The following TRHDE variants were observed in gnomAD, a reference collection of about 807,000 sequenced individuals.
TRHDE encodes thyrotropin-releasing hormone-degrading ectoenzyme.
Under a neutral mutation model 125.7 loss-of-function variants are expected in TRHDE, and 72 were observed. The observed-to-expected ratio is 0.57, with a 90% CI of 0.47 to 0.70. The LOEUF is 0.70. Ranked by LOEUF, TRHDE falls within the 30% of genes least tolerant of loss-of-function variation. The pLI, the probability that TRHDE is intolerant of heterozygous loss-of-function variation, is 0.00. For synonymous variants in TRHDE, 509 were observed against 509.1 expected (o/e 1.00, Z 0.00); for missense variants, 1,110 against 1,327.1 (o/e 0.84, Z 2.54).
chr12:72,478,319 C>G (rs1876991912), intron 5 of TRHDE, among the ~76,000 whole-genome samples: 1 of 152,068 alleles, frequency 6.6e-6, no homozygotes, highest in South Asian at 2.1e-4. Flanking sequence ...GAAAGCATGC[C>G]TGTTTGGGTC....
At position 72,210,494 on chromosome 12, in the gene TRHDE, C is replaced by T. The variant is rs143234882; in HGVS notation, n.279+104742C>T. Among the ~76,000 whole-genome samples, 967 of 151,942 alleles carry T rather than the reference C, an allele frequency of 6.4e-3. 45 individuals carry two copies. The highest frequency in any genetic ancestry group is 0.055 in the Admixed American group (837 of 15,262). The stretch of plus-strand genomic sequence containing the variant: ...TCAGGATAACAGCAATAATGTTGTC[C>T]AAATAATGTTCAATATTTGTGTTAA... On this transcript the variant is annotated intron_variant and non_coding_transcript_variant, in intron 2 of 4. Coordinates refer to the TRHDE transcript ENST00000548156.
At chr12:72,441,116 T>A (rs2135855685) in intron 3 of TRHDE, among the ~76,000 whole-genome samples, 1 of 151,864 alleles carries the variant, frequency 6.6e-6, no homozygotes, top group South Asian at 2.1e-4. Context: ...TACAAGATGA[T>A]AAGGGCTTAA....
Position 72,443,018 on chromosome 12 carries a change from G to T in TRHDE, c.1316-26740G>T, listed in dbSNP as rs1565743235. Among the ~76,000 whole-genome samples the T allele has an allele frequency of 2.6e-5, 4 of 151,628 alleles. No homozygotes were observed. In the East Asian group the frequency reaches 7.7e-4, roughly 29 times the overall value. ...TGCTATTCTCTTGCACTCTTCATTG[G>T]TTTCCCCTTGCTCCTAGAATAAAAT... is the stretch of plus-strand genomic sequence containing the variant. On this transcript the variant is annotated intron_variant, in intron 3 of 18. Coordinates refer to ENST00000261180, the MANE Select transcript of TRHDE (RefSeq NM_013381.3).
chr12:72,629,658 C>T (rs1357182767), intron 15 of TRHDE, among the ~76,000 whole-genome samples: 1 of 151,550 alleles, frequency 6.6e-6, no homozygotes, highest in Non-Finnish European at 1.5e-5. Context: ...AAAAAATTTG[C>T]AGATTCCAAA....
At chr12:72,265,616 T>C (rs1879049271) in intron 2 of TRHDE, among the ~76,000 whole-genome samples, 1 of 151,848 alleles carries the variant, frequency 6.6e-6, no homozygotes, top group East Asian at 1.9e-4. Flanking sequence ...ACAGATCTAG[T>C]ACCTGAAGAA....
intron 3 of TRHDE, among the ~76,000 whole-genome samples, chr12:72,386,958 C>T (rs187628987): frequency 6.6e-6 from 1 of 152,252 alleles, no homozygotes; most frequent in East Asian, 1.9e-4. Context: ...CTGCTTAAAC[C>T]ATGAATGCCC....
At chr12:72,531,041 T>A (rs1461580320) in intron 6 of TRHDE, among the ~76,000 whole-genome samples, 1 of 152,054 alleles carries the variant, frequency 6.6e-6, no homozygotes, top group East Asian at 1.9e-4. Flanking sequence ...AGCATAACAT[T>A]TTCTTCCCCA....
At chr12:72,444,657 T>C (rs1444177552) in intron 3 of TRHDE, among the ~76,000 whole-genome samples, 1 of 151,828 alleles carries the variant, frequency 6.6e-6, no homozygotes, top group South Asian at 2.1e-4. Context: ...AAGTGAGAGA[T>C]AGTATTTAAT....
At chr12:72,231,001 CAAAA>C (rs2139374131) in intron 2 of TRHDE, among the ~76,000 whole-genome samples, 1 of 152,096 alleles carries the variant, frequency 6.6e-6, no homozygotes, top group Admixed American at 6.6e-5. Flanking sequence ...AAAGAAGTAA[CAAAA>C]ATGATGTTGT....
intron 2 of TRHDE, among the ~76,000 whole-genome samples, chr12:72,221,826 T>C (rs1346103953): frequency 6.6e-6 from 1 of 152,158 alleles, no homozygotes; most frequent in Non-Finnish European, 1.5e-5. Context: ...TTTTATTATC[T>C]CTCACAGATT....
chr12:72,181,892 T>C (rs930091029), intron 2 of TRHDE, among the ~76,000 whole-genome samples: 2 of 152,334 alleles, frequency 1.3e-5, no homozygotes, highest in Non-Finnish European at 1.5e-5. Context: ...CTCCCACTTA[T>C]TATGTTGTTT....
chr12:72,268,376 T>A (rs2139399637), upstream of TRHDE, among the ~76,000 whole-genome samples: 1 of 152,268 alleles, frequency 6.6e-6, no homozygotes, highest in African/African-American at 2.4e-5. Flanking sequence ...ATTAAATATT[T>A]CTTGAGAACA....
At chr12:72,400,083 G>T (rs959201673) in intron 3 of TRHDE, among the ~76,000 whole-genome samples, 1 of 151,994 alleles carries the variant, frequency 6.6e-6, no homozygotes, top group African/African-American at 2.4e-5. Flanking sequence ...ATTGACAACT[G>T]GGTGTCAAGC....
At chr12:72,495,622 T>C (rs1296099669) in intron 5 of TRHDE, among the ~76,000 whole-genome samples, 1 of 152,178 alleles carries the variant, frequency 6.6e-6, no homozygotes, top group Non-Finnish European at 1.5e-5. Context: ...TTTGTACTTT[T>C]TGTTCTACTG....
intron 3 of TRHDE, among the ~76,000 whole-genome samples, chr12:72,439,520 ATCCATT>A (rs1874899888): frequency 6.8e-6 from 1 of 148,142 alleles, no homozygotes; most frequent in African/African-American, 2.5e-5. Flanking sequence ...CCTTGGTTAA[ATCCATT>A]TCTAGGTACT....
intron 6 of TRHDE, among the ~76,000 whole-genome samples, chr12:72,526,627 A>C (rs1336224990): frequency 6.6e-6 from 1 of 152,128 alleles, no homozygotes; most frequent in Non-Finnish European, 1.5e-5. Context: ...AGGATTACAC[A>C]AAAGTGCCTG....
chr12:72,220,632 C>T (rs1877981988), intron 2 of TRHDE, among the ~76,000 whole-genome samples: 1 of 152,102 alleles, frequency 6.6e-6, no homozygotes, highest in Non-Finnish European at 1.5e-5. Flanking sequence ...TTCAAACTCT[C>T]ACTCAAAGGT....
rs187553239 is a variant in TRHDE at position 72,350,657 on chromosome 12, C to T, written c.1189-27338C>T. Among the ~76,000 whole-genome samples the T allele has an allele frequency of 3.9e-5, 6 of 151,998 alleles. No individual in the cohort carries two copies. In the East Asian group the frequency reaches 1.2e-3, roughly 30 times the overall value. ...TTTTGATCTTCTAGGTACTGAACTCCCTTCCTGAATTGCTTATGGAAAATG... is the reference window on the plus strand; with the variant it reads ...TTTTGATCTTCTAGGTACTGAACTCTCTTCCTGAATTGCTTATGGAAAATG... On this transcript the variant is annotated intron_variant, in intron 2 of 18. Transcript: ENST00000261180.
chr12:72,338,958 A>T (rs1477506291), intron 2 of TRHDE, among the ~76,000 whole-genome samples: 1 of 152,226 alleles, frequency 6.6e-6, no homozygotes, highest in African/African-American at 2.4e-5. Flanking sequence ...GATCATATTA[A>T]AGTAAACCAA....
Sources: allele counts gnomAD v4.1 joint callset (sites outside exome capture counted in the v4.1 genomes callset), GRCh38; gene constraint gnomAD v4.1.1; transcripts MANE v1.5; gene names NCBI Gene and HGNC (gene_info 2026-07-23, HGNC 2026-07-21).